Variants in UBE2L3 observed in about 807,000 individuals in gnomAD.
The protein encoded by UBE2L3 is ubiquitin conjugating enzyme E2 L3, also known as ubiquitin-conjugating enzyme E2 L3.
Under a neutral mutation model 17.8 loss-of-function variants are expected in UBE2L3, and 1 was observed. The ratio of observed to expected loss-of-function variants is 0.06; its 90% CI spans 0.02 to 0.27. The LOEUF is 0.27. UBE2L3 is among the 10% of genes least tolerant of loss of function. The pLI is 1.00. For synonymous variants in UBE2L3, 44 were observed against 68.5 expected, an observed-to-expected ratio of 0.64 and a Z score of 1.76; for missense variants, 40 against 192.6, an observed-to-expected ratio of 0.21 and a Z score of 4.69.
At chr22:21,556,265 T>C (rs1283408763) in intron 1 of UBE2L3, among the ~76,000 whole-genome samples, 1 of 152,222 alleles carries the variant, frequency 6.6e-6, no homozygotes, top group African/African-American at 2.4e-5. Flanking sequence ...CATAGTGGCG[T>C]GTGCCTGTAG....
At chr22:21,563,505 T>A (rs187368554), upstream of UBE2L3, among the ~76,000 whole-genome samples, 159 of 140,520 alleles carry the variant, frequency 1.1e-3, 2 homozygotes, top group African/African-American at 3.9e-3. Flanking sequence ...GAGGTTGCAG[T>A]GAGCCGAGAT....
intron 1 of UBE2L3, among the ~76,000 whole-genome samples, chr22:21,561,089 C>T (rs71314777): frequency 3.3e-5 from 5 of 152,180 alleles, no homozygotes; most frequent in East Asian, 1.9e-4. Flanking sequence ...GTTATCTAAG[C>T]CCCCTCAGGA....
At chr22:21,592,985 C>T (rs1928339580) in intron 2 of UBE2L3, 29 bp downstream of exon 2, 7 of 1,583,614 alleles carry the variant, frequency 4.4e-6, no homozygotes, top group Non-Finnish European at 6.1e-6. Context: ...CACTTCCTAC[C>T]AGATTATTCT....
At chr22:21,588,463 C>CTTTTTTT (rs1255043408) in intron 1 of UBE2L3, among the ~76,000 whole-genome samples, 298 of 103,192 alleles carry the variant, frequency 2.9e-3, no homozygotes, top group Middle Eastern at 5.3e-3. Context: ...TTTCTTCTTT[C>CTTTTTTT]TTTTTTTTTT....
At chr22:21,597,532 AGTG>A (rs1218448925) in intron 2 of UBE2L3, among the ~76,000 whole-genome samples, 2 of 152,094 alleles carry the variant, frequency 1.3e-5, no homozygotes, top group East Asian at 3.9e-4. Flanking sequence ...CCCAGGCTCA[AGTG>A]GTCCTCCTGG....
intron 2 of UBE2L3, among the ~76,000 whole-genome samples, chr22:21,606,137 C>A (rs772257927): frequency 2.0e-5 from 3 of 152,230 alleles, no homozygotes; most frequent in East Asian, 3.8e-4. Flanking sequence ...GAGGCTAGAC[C>A]TGCTAACTTG....
intron 1 of UBE2L3, among the ~76,000 whole-genome samples, chr22:21,586,502 C>G (rs1927941866): frequency 2.0e-5 from 3 of 151,532 alleles, no homozygotes; most frequent in Admixed American, 6.6e-5. Flanking sequence ...AACTCCTGAC[C>G]TCAAGTGATC....
intron 1 of UBE2L3, among the ~76,000 whole-genome samples, chr22:21,581,734 G>A (rs960731245): frequency 2.0e-5 from 3 of 151,798 alleles, no homozygotes; most frequent in African/African-American, 4.8e-5. Flanking sequence ...CCTGGGAGGC[G>A]GGGGTTGTGG....
intron 1 of UBE2L3, among the ~76,000 whole-genome samples, chr22:21,585,959 A>G (rs1367917310): frequency 1.3e-5 from 2 of 152,096 alleles, no homozygotes; most frequent in Admixed American, 6.6e-5. Flanking sequence ...TTTTTGAGAC[A>G]GGGTCTTGCT....
At chr22:21,582,570 G>T (rs1336859398) in intron 1 of UBE2L3, among the ~76,000 whole-genome samples, 1 of 151,990 alleles carries the variant, frequency 6.6e-6, no homozygotes. Flanking sequence ...TTGTTGCCCA[G>T]CCTGGAGTGC....
At chr22:21,563,118 T>C (rs952212531), upstream of UBE2L3, among the ~76,000 whole-genome samples, 1 of 150,652 alleles carries the variant, frequency 6.6e-6, no homozygotes, top group Non-Finnish European at 1.5e-5. Flanking sequence ...GGTGTGCACA[T>C]GTAATCCCAG....
chr22:21,577,158 C>T (rs150566599), intron 1 of UBE2L3, among the ~76,000 whole-genome samples: 20 of 151,690 alleles, frequency 1.3e-4, no homozygotes, highest in African/African-American at 4.4e-4. Flanking sequence ...TTAGTAGAAA[C>T]GGGGTTTCAC....
upstream of UBE2L3, among the ~76,000 whole-genome samples, chr22:21,567,390 C>T (rs1450418979): frequency 1.3e-5 from 2 of 152,216 alleles, no homozygotes; most frequent in Non-Finnish European, 2.9e-5. Context: ...GTCTCGAACT[C>T]GTGACCGCGT....
At chr22:21,587,151 G>T (rs1048540188) in intron 1 of UBE2L3, among the ~76,000 whole-genome samples, 1 of 151,980 alleles carries the variant, frequency 6.6e-6, no homozygotes, top group Non-Finnish European at 1.5e-5. Flanking sequence ...CTCCCAAAAT[G>T]CTGGGATTAC....
chr22:21,575,614 C>T (rs1161552895), intron 1 of UBE2L3, among the ~76,000 whole-genome samples: 5 of 141,140 alleles, frequency 3.5e-5, no homozygotes, highest in Non-Finnish European at 7.6e-5. Flanking sequence ...TTTACTTTTC[C>T]CAACAAAGTT....
intron 1 of UBE2L3, among the ~76,000 whole-genome samples, chr22:21,587,155 G>T (rs1335387314): frequency 6.6e-6 from 1 of 151,864 alleles, no homozygotes; most frequent in Non-Finnish European, 1.5e-5. Flanking sequence ...CAAAATGCTG[G>T]GATTACAGGC....
intron 2 of UBE2L3, among the ~76,000 whole-genome samples, chr22:21,601,473 T>G (rs1168561135): frequency 2.0e-5 from 3 of 151,466 alleles, no homozygotes; most frequent in African/African-American, 7.3e-5. Context: ...CCACTACGCC[T>G]GGCTAATTTT....
chr22:21,567,919 A>G (rs941945237), intron 1 of UBE2L3, 148 bp downstream of exon 1: 1 of 1,497,008 alleles, frequency 6.7e-7, no homozygotes, highest in East Asian at 2.5e-5. Flanking sequence ...CGCAGGCTCA[A>G]GGTGCTAACG....
chr22:21,600,350 AT>A (rs549986131), intron 2 of UBE2L3, among the ~76,000 whole-genome samples: 7 of 151,886 alleles, frequency 4.6e-5, no homozygotes, highest in African/African-American at 1.5e-4. Context: ...AAAAAAACTT[AT>A]TCCTACTATT....
Sources: allele counts gnomAD v4.1 joint callset (sites outside exome capture counted in the v4.1 genomes callset), GRCh38; gene constraint gnomAD v4.1.1; transcripts MANE v1.5; gene names NCBI Gene and HGNC (gene_info 2026-07-23, HGNC 2026-07-21).